NAV3: variants seen among roughly 807,000 people sequenced by gnomAD.
NAV3 encodes pore membrane and/or filament interacting like protein 1.
NAV3 carries 87 observed loss-of-function variants against 244.7 expected under a neutral mutation model. That is an observed-to-expected ratio of 0.36 (90% CI 0.30 to 0.42). NAV3 has a LOEUF of 0.42. NAV3 is among the 20% of genes least tolerant of loss of function. NAV3 has a pLI of 1.00. For missense variants in NAV3, 2,663 were observed against 2,893.3 expected, an observed-to-expected ratio of 0.92 and a Z score of 1.83; for synonymous variants, 1,126 against 1,042.2, an observed-to-expected ratio of 1.08 and a Z score of -1.55.
intron 2 of NAV3, among the ~76,000 whole-genome samples, chr12:77,807,557 A>C (rs1872046715): frequency 6.6e-6 from 1 of 152,186 alleles, no homozygotes; most frequent in Admixed American, 6.5e-5. Context: ...TGTTAGTCTG[A>C]TGGGCTTCCC....
chr12:77,946,791 G>A lies in NAV3; in HGVS notation c.414+5658G>A, dbSNP rs557906545. 2.6e-5 allele frequency among the ~76,000 whole-genome samples: 4 copies of A among 152,208 alleles called. No homozygotes were observed. The East Asian group carries it at 7.7e-4, about 29-fold the overall frequency. ...TTAGAATGCAGAGACACAAGTGCAA[G>A]TTTCTTAGACAAAAATGTTAGACAT... On this transcript the variant is annotated intron_variant, in intron 3 of 39. Transcript: ENST00000397909.
intron 31 of NAV3, among the ~76,000 whole-genome samples, chr12:78,186,760 G>A (rs537877920): frequency 2.6e-5 from 4 of 151,796 alleles, no homozygotes; most frequent in Non-Finnish European, 5.9e-5. Flanking sequence ...AGACTAGGTG[G>A]CCTAAACAAC....
chr12:77,701,385 TTTC>T (rs905741005), intron 2 of NAV3, among the ~76,000 whole-genome samples: 4 of 151,906 alleles, frequency 2.6e-5, no homozygotes, highest in African/African-American at 9.7e-5. Flanking sequence ...TTTGGCAGTG[TTTC>T]TTCTTTTATT....
chr12:77,787,244 A>C (rs2135932831), intron 2 of NAV3, among the ~76,000 whole-genome samples: 1 of 152,184 alleles, frequency 6.6e-6, no homozygotes, highest in Middle Eastern at 3.4e-3. Context: ...TTCATTTTTG[A>C]ATGGTTCTGA....
rs1229912698 is a variant in NAV3 at position 77,985,105 on chromosome 12, C to T, written c.672-9698C>T. On this transcript the variant is annotated intron_variant, in intron 5 of 39. Coordinates refer to ENST00000397909, the MANE Select transcript of NAV3 (RefSeq NM_001024383.2). The stretch of plus-strand genomic sequence containing the variant: ...TGCTGGGATTACAGGCGTGAGCCAC[C>T]GCGCCCAGCCTATACTTTTTATGAA... Among the ~76,000 whole-genome samples, 4 of 152,270 alleles carry T rather than the reference C, an allele frequency of 2.6e-5. No homozygotes were observed. The South Asian group carries it at 8.3e-4, about 32-fold the overall frequency.
chr12:78,003,941 A>G (rs2136515521), intron 7 of NAV3, among the ~76,000 whole-genome samples: 1 of 152,340 alleles, frequency 6.6e-6, no homozygotes, highest in East Asian at 1.9e-4. Flanking sequence ...CTGCTCACCA[A>G]GGAAGAAGGA....
chr12:78,016,175 G>T (rs1381994486), intron 8 of NAV3, among the ~76,000 whole-genome samples: 1 of 151,680 alleles, frequency 6.6e-6, no homozygotes, highest in Non-Finnish European at 1.5e-5. Flanking sequence ...TTTGTATAGG[G>T]TGATTTTAGA....
intron 2 of NAV3, among the ~76,000 whole-genome samples, chr12:77,793,713 C>T (rs1458724116): frequency 6.6e-6 from 1 of 152,164 alleles, no homozygotes; most frequent in Non-Finnish European, 1.5e-5. Context: ...TTTCTTTATC[C>T]AGTCTATCAT....
intron 5 of NAV3, 24 bp from the exon 6 acceptor site, chr12:77,994,779 A>G (rs745665186): frequency 8.9e-6 from 14 of 1,580,822 alleles, no homozygotes; most frequent in African/African-American, 2.7e-5. Context: ...CTTTAATTCA[A>G]TTTCTCTGTT....
intron 21 of NAV3, among the ~76,000 whole-genome samples, chr12:78,147,480 A>T (rs1046488536): frequency 1.3e-5 from 2 of 152,024 alleles, no homozygotes; most frequent in African/African-American, 4.8e-5. Context: ...AGACTATTTA[A>T]TTTGAGAAAT....
chr12:77,699,843 C>T (rs1159073382), intron 2 of NAV3, among the ~76,000 whole-genome samples: 1 of 150,626 alleles, frequency 6.6e-6, no homozygotes, highest in Admixed American at 6.6e-5. Flanking sequence ...CTCTACAGCA[C>T]TCCATAGATT....
chr12:78,207,979 T>C (rs1175787508), intron 39 of NAV3, among the ~76,000 whole-genome samples: 1 of 152,186 alleles, frequency 6.6e-6, no homozygotes, highest in African/African-American at 2.4e-5. Context: ...TTAGAAATGA[T>C]AAACATTAAA....
intron 2 of NAV3, among the ~76,000 whole-genome samples, chr12:77,601,086 C>G (rs574572952): frequency 4.4e-4 from 67 of 152,008 alleles, no homozygotes; most frequent in Non-Finnish European, 8.5e-4. Flanking sequence ...TTATTTAGTG[C>G]TTAGTATGGC....
intron 1 of NAV3, among the ~76,000 whole-genome samples, chr12:77,845,320 C>T (rs1836583073): frequency 6.6e-6 from 1 of 152,150 alleles, no homozygotes; most frequent in Admixed American, 6.5e-5. Context: ...CAGTCTGGCA[C>T]TGCCTTTAGA....
intron 1 of NAV3, among the ~76,000 whole-genome samples, chr12:77,897,869 C>T (rs2619064): frequency 0.09 from 13,686 of 152,148 alleles, 825 homozygotes; most frequent in East Asian, 0.2. Context: ...GGATTCTACT[C>T]TTGTTAAATG....
chr12:78,200,328 T>A, intron 37 of NAV3, 145 bp from the exon 38 acceptor site: 1 of 468,888 alleles, frequency 2.1e-6, no homozygotes, highest in Non-Finnish European at 3.7e-6. Context: ...TCAGTAAACA[T>A]GCTTTAATAA....
At chr12:77,915,592 T>A (rs541923792) in intron 1 of NAV3, among the ~76,000 whole-genome samples, 4 of 152,172 alleles carry the variant, frequency 2.6e-5, no homozygotes, top group Admixed American at 6.6e-5. Context: ...AGCATATTTT[T>A]AATGTAATTT....
rs749288202 is a variant in NAV3, at chr12:78,197,319, G to A, written c.6364G>A (p.Val2122Ile). ...ADNNGVELPV[V>I]IILDNLHHVG... ...TAATAATGGAGTGGAGCTCCCAGTT[G>A]TAATAATTCTTGATAATCTTCATCA... Residue 2122 changes from valine to isoleucine, a missense_variant, in exon 35 of 40, where the codon GTA becomes ATA. Val to Ile is a conservative substitution (Grantham distance 29). Around this residue, in one of 6 missense-constraint regions of NAV3, gnomAD observed 543 missense variants for 672.4 expected, o/e 0.81. Transcript: ENST00000397909. 2.5e-6 allele frequency: 4 copies of A among 1,608,980 alleles called. 1 individual carries two copies. The South Asian group carries it at 4.4e-5, about 18-fold the overall frequency.
intron 2 of NAV3, among the ~76,000 whole-genome samples, chr12:77,635,286 C>T (rs538610015): frequency 1.3e-5 from 2 of 151,970 alleles, no homozygotes; most frequent in Non-Finnish European, 2.9e-5. Flanking sequence ...CCTCATACTC[C>T]TGTGCTCAAG....
Sources: gnomAD v4.1 joint callset for allele counts (sites outside exome capture counted in the v4.1 genomes callset) on GRCh38, gnomAD v4.1.1 for gene constraint, gnomAD v4.1.1 regional missense constraint, MANE v1.5 for transcripts, NCBI Gene and HGNC (gene_info 2026-07-23, HGNC 2026-07-21) for gene names.